SGCZ: variants seen among roughly 807,000 people sequenced by gnomAD.
The protein encoded by SGCZ is sarcoglycan zeta, also known as zeta-sarcoglycan.
SGCZ carries 40 observed loss-of-function variants against 41.3 expected under a neutral mutation model. The ratio of observed to expected loss-of-function variants is 0.97; its 90% CI spans 0.75 to 1.26. The LOEUF (loss-of-function observed/expected upper bound fraction) is 1.26. Among genes scored for constraint, SGCZ ranks in the 50% most tolerant of loss-of-function variants. The pLI is 0.00. For missense variants in SGCZ, 552 were observed against 369.8 expected, an observed-to-expected ratio of 1.49 and a Z score of -4.04; for synonymous variants, 206 against 137.5, an observed-to-expected ratio of 1.50 and a Z score of -3.49.
intron 5 of SGCZ, among the ~76,000 whole-genome samples, chr8:14,155,684 T>C (rs1018171542): frequency 1.3e-5 from 2 of 150,684 alleles, no homozygotes; most frequent in African/African-American, 4.9e-5. Flanking sequence ...ATCAAACGTA[T>C]TGTCATTATA....
chr8:15,237,799 T>C lies in SGCZ; in HGVS notation c.-176A>G. On this transcript the variant is annotated 5_prime_UTR_variant, in exon 1 of 8. Coordinates refer to ENST00000382080, the MANE Select transcript of SGCZ (RefSeq NM_139167.4). The stretch of plus-strand genomic sequence containing the variant: ...CCGGGTTAAAAATAAGGAAAATAAA[T>C]AAATAATAATGATAATTCACTTTAT... 5.2e-6 allele frequency: 3 copies of C among 577,274 alleles called. No individual in the cohort carries two copies. The highest frequency in any genetic ancestry group is 9.3e-6 in the Non-Finnish European group (3 of 322,960). 35.8% of individuals were successfully genotyped at this position (577,274 alleles called of 1,614,324 possible). A position where few individuals can be genotyped will look rare whatever the true frequency, so the allele number is the denominator to read the frequency against.
At chr8:14,457,307 A>T (rs908041247) in intron 2 of SGCZ, among the ~76,000 whole-genome samples, 4 of 152,234 alleles carry the variant, frequency 2.6e-5, no homozygotes, top group Non-Finnish European at 5.9e-5. Context: ...CAGGGCCACC[A>T]GAGGGCTCCT....
At chr8:14,233,252 T>C (rs555068546) in intron 4 of SGCZ, among the ~76,000 whole-genome samples, 1 of 152,032 alleles carries the variant, frequency 6.6e-6, no homozygotes, top group African/African-American at 2.4e-5. Flanking sequence ...TATTACTTCA[T>C]CAAAAATAAA....
At chr8:14,400,675 G>A (rs893672207) in intron 2 of SGCZ, among the ~76,000 whole-genome samples, 7 of 151,974 alleles carry the variant, frequency 4.6e-5, no homozygotes, top group East Asian at 1.9e-4. Context: ...TTTTATGATC[G>A]TACTATCTTG....
intron 2 of SGCZ, among the ~76,000 whole-genome samples, chr8:14,552,668 G>C (rs578082179): frequency 6.6e-6 from 1 of 152,142 alleles, no homozygotes; most frequent in East Asian, 1.9e-4. Flanking sequence ...GGAACCCTGA[G>C]GCCCATGAGG....
chr8:14,956,911 T>C (rs1465335115), intron 1 of SGCZ, among the ~76,000 whole-genome samples: 2 of 152,174 alleles, frequency 1.3e-5, no homozygotes, highest in African/African-American at 4.8e-5. Context: ...TCCTTTTTAA[T>C]TGACAGCATA....
At chr8:15,031,337 G>A (rs1230191009) in intron 1 of SGCZ, among the ~76,000 whole-genome samples, 2 of 152,146 alleles carry the variant, frequency 1.3e-5, no homozygotes, top group East Asian at 1.9e-4. Flanking sequence ...AAAGAGTGGT[G>A]TATTTGACTA....
At chr8:14,560,024 T>C (rs985092250) in intron 1 of SGCZ, among the ~76,000 whole-genome samples, 7 of 152,102 alleles carry the variant, frequency 4.6e-5, no homozygotes, top group African/African-American at 1.7e-4. Context: ...TTCAAGGTTC[T>C]GACAGTGGTT....
At chr8:14,933,555 CAG>C (rs1394615397) in intron 1 of SGCZ, among the ~76,000 whole-genome samples, 1 of 151,732 alleles carries the variant, frequency 6.6e-6, no homozygotes, top group East Asian at 1.9e-4. Flanking sequence ...CCTCAGCCTC[CAG>C]AGTAGCTGGG....
intron 1 of SGCZ, among the ~76,000 whole-genome samples, chr8:14,741,359 A>T (rs980096814): frequency 2.0e-5 from 3 of 152,068 alleles, no homozygotes; most frequent in Non-Finnish European, 4.4e-5. Context: ...TTTACAGTAG[A>T]TCCTCACAAA....
chr8:14,936,313 T>C (rs1176032047), intron 1 of SGCZ, among the ~76,000 whole-genome samples: 2 of 151,944 alleles, frequency 1.3e-5, no homozygotes, highest in Non-Finnish European at 2.9e-5. Flanking sequence ...ATTTAATATG[T>C]CTAACGTACC....
chr8:14,213,187 CAT>C (rs1805875538), intron 4 of SGCZ, among the ~76,000 whole-genome samples: 1 of 149,654 alleles, frequency 6.7e-6, no homozygotes, highest in Non-Finnish European at 1.5e-5. Flanking sequence ...TGTGGTAAGA[CAT>C]AAACTGTAGA....
chr8:14,374,530 G>A (rs1045617429), intron 2 of SGCZ, among the ~76,000 whole-genome samples: 3 of 152,098 alleles, frequency 2.0e-5, no homozygotes, highest in Non-Finnish European at 2.9e-5. Context: ...AAAAGAAGAT[G>A]TTAGGTGAAT....
chr8:14,340,410 C>T (rs1012636662), intron 2 of SGCZ, among the ~76,000 whole-genome samples: 3 of 152,118 alleles, frequency 2.0e-5, no homozygotes, highest in Non-Finnish European at 4.4e-5. Flanking sequence ...TTCTTTGCTT[C>T]TATAACAGCC....
At chr8:15,151,148 C>A (rs77512838) in intron 1 of SGCZ, among the ~76,000 whole-genome samples, 1 of 152,318 alleles carries the variant, frequency 6.6e-6, no homozygotes, top group Non-Finnish European at 1.5e-5. Flanking sequence ...TACTGCGGTA[C>A]GCCAACCAAC....
chr8:14,631,745 A>G (rs1806662314), intron 1 of SGCZ, among the ~76,000 whole-genome samples: 1 of 152,118 alleles, frequency 6.6e-6, no homozygotes, highest in South Asian at 2.1e-4. Context: ...TATAAACAAT[A>G]ATGTAGCAGA....
intron 1 of SGCZ, among the ~76,000 whole-genome samples, chr8:15,178,274 CA>C (rs1800059304): frequency 6.6e-6 from 1 of 152,000 alleles, no homozygotes. Flanking sequence ...AAGAGCATTA[CA>C]TTTTTCTATA....
At chr8:15,135,783 G>A (rs866814041) in intron 1 of SGCZ, among the ~76,000 whole-genome samples, 3 of 152,106 alleles carry the variant, frequency 2.0e-5, no homozygotes, top group Admixed American at 6.5e-5. Flanking sequence ...AGGGTGAGCT[G>A]GTGGGGTTAG....
At chr8:14,640,664 G>A (rs1320937785) in intron 1 of SGCZ, among the ~76,000 whole-genome samples, 17 of 151,164 alleles carry the variant, frequency 1.1e-4, no homozygotes, top group Non-Finnish European at 2.2e-4. Context: ...GTGTGTGTGT[G>A]TGTGTGTGTA....
Sources: allele counts gnomAD v4.1 joint callset (sites outside exome capture counted in the v4.1 genomes callset), GRCh38; gene constraint gnomAD v4.1.1; transcripts MANE v1.5; gene names NCBI Gene and HGNC (gene_info 2026-07-23, HGNC 2026-07-21).